Variants in PCDHGA8 observed in about 807,000 individuals in gnomAD.
The protein encoded by PCDHGA8 is protocadherin gamma subfamily A, 8.
PCDHGA8 carries 45 observed loss-of-function variants against 59.2 expected under a neutral mutation model. That is an observed-to-expected ratio of 0.76 (90% CI 0.60 to 0.98). The LOEUF is 0.98. Among genes scored for constraint, PCDHGA8 ranks in the 50% least tolerant of loss-of-function variants. The pLI is 0.00. For synonymous variants in PCDHGA8, 531 were observed against 519.0 expected (o/e 1.02, Z -0.32); for missense variants, 1,257 against 1,196.2 (o/e 1.05, Z -0.75).
intron 1 of PCDHGA8, among the ~76,000 whole-genome samples, chr5:141,446,448 T>C (rs954515926): frequency 2.6e-5 from 4 of 152,028 alleles, no homozygotes; most frequent in Non-Finnish European, 5.9e-5. Context: ...ACAGTGCAGA[T>C]ATTCAGTGTG....
chr5:141,487,423 C>T lies in PCDHGA8; in HGVS notation c.2425-7384C>T. 1 of 1,614,158 alleles carries T rather than the reference C, an allele frequency of 6.2e-7. No homozygotes were observed. Among genetic ancestry groups the T allele is most frequent in the Non-Finnish European group, 8.5e-7 (1 of 1,180,012 alleles). On this transcript the variant is annotated intron_variant, in intron 1 of 3. Transcript: ENST00000398604. The surrounding 1 kb of genome is among the most constrained non-coding windows in gnomAD (Gnocchi z 5.0). ...GGCTTCCCCCTTCCAATGGGATCCTCCGAATCCAGCTAGGGTCAGATGACC... is the reference window on the plus strand; with the variant it reads ...GGCTTCCCCCTTCCAATGGGATCCTTCGAATCCAGCTAGGGTCAGATGACC...
chr5:141,502,098 G>T (rs1341016516), intron 2 of PCDHGA8, among the ~76,000 whole-genome samples: 2 of 152,108 alleles, frequency 1.3e-5, no homozygotes, highest in Non-Finnish European at 2.9e-5. Flanking sequence ...ACCTGGCCTT[G>T]ACCCTGCACC....
At chr5:141,455,244 T>A (rs977940552) in intron 1 of PCDHGA8, among the ~76,000 whole-genome samples, 4 of 152,142 alleles carry the variant, frequency 2.6e-5, no homozygotes, top group Non-Finnish European at 4.4e-5. Flanking sequence ...TTAAAGGTCA[T>A]AGTACAATCG....
rs1413288410 is a variant in PCDHGA8 at position 141,392,726 on chromosome 5, T to C, written c.-88T>C. On this transcript the variant is annotated 5_prime_UTR_variant, in exon 1 of 4. Transcript: ENST00000398604. The stretch of plus-strand genomic sequence containing the variant: ...GGAGGCACTCCAGGTTTCCGGAGGA[T>C]TGTCATCTCCATAGCTGCGGCAAGA... 4.3e-6 allele frequency: 6 copies of C among 1,399,264 alleles called. No individual in the cohort carries two copies. The African/African-American group carries it at 8.7e-5, about 20-fold the overall frequency. 86.7% of individuals were successfully genotyped at this position (1,399,264 alleles called of 1,614,324 possible).
rs575872277 is a variant in PCDHGA8, at chr5:141,511,848, G to A, written c.*675G>A. The A allele has an allele frequency of 6.4e-6, 1 of 156,684 alleles. No individual in the cohort carries two copies. The highest frequency in any genetic ancestry group is 2.0e-4 in the South Asian group (1 of 5,078). The allele number at this position is 156,684 out of a possible 1,614,324, so 9.7% of individuals were successfully genotyped here. A position where few individuals can be genotyped will look rare whatever the true frequency, so the allele number is the denominator to read the frequency against. ...GCCCTGGGGACCAGTCTTCTGTTTT[G>A]TTTTTCATTGTTTGACGTTTCCACT... On this transcript the variant is annotated 3_prime_UTR_variant, in exon 4 of 4. Transcript: ENST00000398604.
rs775312856 is a variant in PCDHGA8, at chr5:141,485,899, C to G, written c.2425-8908C>G. 1.9e-6 allele frequency: 3 copies of G among 1,614,166 alleles called. No homozygotes were observed. Among genetic ancestry groups the G allele is most frequent in the Non-Finnish European group, 2.5e-6 (3 of 1,180,032 alleles). ...ACGTAAACGACAACGCCCCAGCCTT[C>G]CAGCAATCCAGCTACAGGATTAGTG... On this transcript the variant is annotated intron_variant, in intron 1 of 3. Transcript: ENST00000398604. The surrounding 1 kb of genome is among the most constrained non-coding windows in gnomAD (Gnocchi z 5.7).
intron 1 of PCDHGA8, among the ~76,000 whole-genome samples, chr5:141,449,345 T>C (rs2154562594): frequency 1.3e-5 from 2 of 151,644 alleles, no homozygotes; most frequent in South Asian, 4.2e-4. Context: ...AGTGGCTCAC[T>C]CCTGTAATCC....
At chr5:141,418,935 A>T (rs1424307952) in intron 1 of PCDHGA8, 2 of 1,613,834 alleles carry the variant, frequency 1.2e-6, no homozygotes, top group Admixed American at 3.3e-5. Context: ...ATTATGGAGG[A>T]TTCCCCTCCA....
chr5:141,450,669 T>C (rs2098689726), intron 1 of PCDHGA8, among the ~76,000 whole-genome samples: 1 of 151,904 alleles, frequency 6.6e-6, no homozygotes, highest in Admixed American at 6.6e-5. Context: ...GTACTTTTAG[T>C]AGAAACGGGG....
intron 1 of PCDHGA8, among the ~76,000 whole-genome samples, chr5:141,397,240 T>C (rs1291416263): frequency 6.6e-6 from 1 of 152,176 alleles, no homozygotes; most frequent in Non-Finnish European, 1.5e-5. Flanking sequence ...AAGAGCAACG[T>C]AGTAGGGTAT....
At chr5:141,408,148 G>C in intron 1 of PCDHGA8, 2 of 1,504,962 alleles carry the variant, frequency 1.3e-6, no homozygotes, top group Non-Finnish European at 1.8e-6. Context: ...TAGCGCGGTA[G>C]AGTGCACTTT....
intron 1 of PCDHGA8, among the ~76,000 whole-genome samples, chr5:141,461,054 T>C (rs984461416): frequency 6.6e-6 from 1 of 151,758 alleles, no homozygotes; most frequent in African/African-American, 2.4e-5. Context: ...GGGACTTAGG[T>C]TGGTTTCACA....
chr5:141,444,722 C>T (rs72790051), intron 1 of PCDHGA8, among the ~76,000 whole-genome samples: 3,290 of 152,024 alleles, frequency 0.022, 51 homozygotes, highest in South Asian at 0.038. Flanking sequence ...TGCTTGGTGC[C>T]TTTGTTGAAA....
chr5:141,427,905 A>G (rs754321006), intron 1 of PCDHGA8: 1 of 1,574,682 alleles, frequency 6.4e-7, no homozygotes, highest in South Asian at 1.1e-5. Context: ...GCCCGCGCTC[A>G]GCGCCAACAT....
chr5:141,493,937 A>G lies in PCDHGA8; in HGVS notation c.2425-870A>G, dbSNP rs931274307. Among the ~76,000 whole-genome samples the G allele has an allele frequency of 6.6e-6, 1 of 152,212 alleles. No individual in the cohort carries two copies. The highest frequency in any genetic ancestry group is 1.5e-5 in the Non-Finnish European group (1 of 68,022). ...GGATAACACACCCCCTGGAAAGACCAGAAGGGACTCAGGAATGAAGTGGCT... is the reference window on the plus strand; with the variant it reads ...GGATAACACACCCCCTGGAAAGACCGGAAGGGACTCAGGAATGAAGTGGCT... On this transcript the variant is annotated intron_variant, in intron 1 of 3. Coordinates refer to ENST00000398604, the MANE Select transcript of PCDHGA8 (RefSeq NM_032088.2). This position sits in a 1 kb window ranked among gnomAD's most constrained non-coding sequence, Gnocchi z 4.3.
intron 1 of PCDHGA8, chr5:141,409,350 G>T: frequency 6.2e-7 from 1 of 1,613,922 alleles, no homozygotes; most frequent in Non-Finnish European, 8.5e-7. Context: ...GGAGAAGTCA[G>T]GTGTAATATA....
Position 141,394,529 on chromosome 5 carries a change from C to T in PCDHGA8, c.1716C>T (p.Ser572=). ...ILYPALPTDG[S]TGVELAPRSA... is the part of the protein sequence containing the mutation. ...ACCCCGCCCTCCCCACAGACGGTTC[C>T]ACTGGCGTGGAGCTGGCGCCCCGCT... Residue 572 remains serine (S), a synonymous_variant, in exon 1 of 4, where the codon TCC becomes TCT. Transcript: ENST00000398604. 2 of 1,614,216 alleles carry T rather than the reference C, an allele frequency of 1.2e-6. No homozygotes were observed. Among genetic ancestry groups the T allele is most frequent in the Non-Finnish European group, 8.5e-7 (1 of 1,180,044 alleles).
chr5:141,422,800 C>A (rs1470748782), intron 1 of PCDHGA8: 1 of 1,614,094 alleles, frequency 6.2e-7, no homozygotes, highest in Non-Finnish European at 8.5e-7. Flanking sequence ...CGACTATGAG[C>A]AGTTTCGAGA....
rs535265859 is a variant in PCDHGA8, at chr5:141,394,358, T to C, written c.1545T>C (p.Tyr515=). The change falls in exon 1 of 4, where the codon TAT becomes TAC. Residue 515 remains tyrosine (Y), a synonymous_variant. Coordinates refer to ENST00000398604, the MANE Select transcript of PCDHGA8 (RefSeq NM_032088.2). The part of the protein sequence containing the change: ...ISINSDTGVL[Y]ALQSFDYEQI... ...TCAACTCTGACACCGGTGTCCTGTA[T>C]GCGCTGCAATCTTTCGACTATGAGC... 13 of 1,614,188 alleles carry C rather than the reference T, an allele frequency of 8.1e-6. No individual in the cohort carries two copies. Among genetic ancestry groups the C allele is most frequent in the Middle Eastern group, 1.6e-4 (1 of 6,062 alleles).
Sources: gnomAD v4.1 joint callset for allele counts (sites outside exome capture counted in the v4.1 genomes callset) on GRCh38, gnomAD v4.1.1 for gene constraint, Gnocchi (gnomAD v3.1) non-coding constraint, MANE v1.5 for transcripts, NCBI Gene and HGNC (gene_info 2026-07-23, HGNC 2026-07-21) for gene names.